The following SGCD variants were observed in gnomAD, a reference collection of about 807,000 sequenced individuals.
SGCD encodes delta-sarcoglycan.
In SGCD, 18 loss-of-function variants were observed where a neutral mutation model predicts 36.6. That is an observed-to-expected ratio of 0.49 (90% CI 0.34 to 0.73). The LOEUF (loss-of-function observed/expected upper bound fraction) is 0.73, where lower values mean the gene tolerates loss of function less well. Ranked by LOEUF, SGCD falls within the 30% of genes least tolerant of loss-of-function variation. The pLI, the probability that SGCD is intolerant of heterozygous loss-of-function variation, is 0.01. For synonymous variants in SGCD, 133 were observed against 130.6 expected (o/e 1.02, Z -0.12); for missense variants, 387 against 346.7 (o/e 1.12, Z -0.92).
chr5:156,759,166 A>AAG, intron 8 of SGCD, 51 bp from the exon 9 acceptor site: 1 of 1,411,356 alleles, frequency 7.1e-7, no homozygotes, highest in Non-Finnish European at 1.0e-6. Context: ...ATGTCAAGAG[A>AAG]AGAGACGACA....
At chr5:156,017,440 C>A (rs1759009684) in intron 1 of SGCD, among the ~76,000 whole-genome samples, 1 of 151,912 alleles carries the variant, frequency 6.6e-6, no homozygotes, top group Admixed American at 6.6e-5. Flanking sequence ...GGAATTCATT[C>A]ATGTTTTCCT....
chr5:155,736,206 C>T, the SGCD span, among the ~76,000 whole-genome samples: 1 of 152,160 alleles, frequency 6.6e-6, no homozygotes, highest in Non-Finnish European at 1.5e-5. Flanking sequence ...TAATATATCG[C>T]ACATGCTCCT....
At chr5:156,512,951 C>T (rs1274504306) in intron 4 of SGCD, among the ~76,000 whole-genome samples, 2 of 151,394 alleles carry the variant, frequency 1.3e-5, no homozygotes, top group South Asian at 2.1e-4. Flanking sequence ...TGCAATGGGG[C>T]TATGTCTTGA....
At chr5:156,350,158 G>A (rs1469683717) in intron 3 of SGCD, among the ~76,000 whole-genome samples, 1 of 149,940 alleles carries the variant, frequency 6.7e-6, no homozygotes, top group African/African-American at 2.4e-5. Context: ...TCGGTGGTGG[G>A]TACACTAAAA....
At chr5:155,937,112 C>T (rs2113402402) in intron 1 of SGCD, among the ~76,000 whole-genome samples, 1 of 152,312 alleles carries the variant, frequency 6.6e-6, no homozygotes, top group Middle Eastern at 3.4e-3. Context: ...GGTCTGCAGC[C>T]ATGACTTGGG....
At chr5:155,859,038 ATT>A in the SGCD span, among the ~76,000 whole-genome samples, 1 of 148,948 alleles carries the variant, frequency 6.7e-6, no homozygotes, top group African/African-American at 2.5e-5. Context: ...TATAATTTTT[ATT>A]TTTTCATATC....
chr5:156,640,706 G>A (rs374069304), intron 6 of SGCD, among the ~76,000 whole-genome samples: 4 of 152,116 alleles, frequency 2.6e-5, no homozygotes, highest in South Asian at 4.1e-4. Context: ...CATGTCTGAC[G>A]TAGGCTCTAC....
intron 1 of SGCD, among the ~76,000 whole-genome samples, chr5:156,025,051 T>G (rs1006472962): frequency 2.0e-5 from 3 of 152,208 alleles, no homozygotes; most frequent in Non-Finnish European, 2.9e-5. Flanking sequence ...TAACAAATTA[T>G]TTTCCATATT....
chr5:155,948,393 C>T (rs116655624), intron 1 of SGCD, among the ~76,000 whole-genome samples: 1 of 152,308 alleles, frequency 6.6e-6, no homozygotes, highest in African/African-American at 2.4e-5. Flanking sequence ...AAGTCGGAAG[C>T]AGGTATTTGT....
chr5:156,450,946 C>T (rs1238006132), intron 3 of SGCD, among the ~76,000 whole-genome samples: 2 of 152,080 alleles, frequency 1.3e-5, no homozygotes, highest in Non-Finnish European at 1.5e-5. Flanking sequence ...TATGCAGACT[C>T]CAATAATTCC....
intron 3 of SGCD, among the ~76,000 whole-genome samples, chr5:156,415,232 C>T (rs1048281391): frequency 1.3e-5 from 2 of 152,032 alleles, no homozygotes; most frequent in African/African-American, 4.8e-5. Flanking sequence ...ACCAGACCAG[C>T]CACAGTTTTA....
At chr5:156,093,658 G>A (rs1057187221) in intron 1 of SGCD, among the ~76,000 whole-genome samples, 1 of 152,128 alleles carries the variant, frequency 6.6e-6, no homozygotes, top group Non-Finnish European at 1.5e-5. Context: ...TTTGTGCGTG[G>A]AGCAACTCCA....
At chr5:156,132,549 A>G (rs1262794876) in intron 3 of SGCD, among the ~76,000 whole-genome samples, 1 of 137,700 alleles carries the variant, frequency 7.3e-6, no homozygotes, top group Non-Finnish European at 1.5e-5. Context: ...GCTCACTGCA[A>G]GCTCCGCCTC....
intron 7 of SGCD, among the ~76,000 whole-genome samples, chr5:156,716,670 T>C: frequency 6.6e-6 from 1 of 152,244 alleles, no homozygotes; most frequent in East Asian, 1.9e-4. Flanking sequence ...TATGGTGTTT[T>C]CCGGATCTAA....
At chr5:156,579,594 T>C (rs899803369) in intron 4 of SGCD, among the ~76,000 whole-genome samples, 2 of 152,230 alleles carry the variant, frequency 1.3e-5, no homozygotes, top group Non-Finnish European at 2.9e-5. Context: ...ATCTGGGTGC[T>C]CCTGTATTGG....
At chr5:156,328,862 C>T (rs1276793548) in intron 1 of SGCD, among the ~76,000 whole-genome samples, 1 of 151,872 alleles carries the variant, frequency 6.6e-6, no homozygotes, top group Non-Finnish European at 1.5e-5. Flanking sequence ...TCTAAAGTGC[C>T]TAATGAGTGA....
At chr5:156,318,588 G>T (rs1220682441) in intron 3 of SGCD, among the ~76,000 whole-genome samples, 1 of 144,230 alleles carries the variant, frequency 6.9e-6, no homozygotes, top group Non-Finnish European at 1.5e-5. Flanking sequence ...ATCCATGAAT[G>T]ACCTCTTTTT....
At chr5:156,283,184 G>T (rs1490116318) in intron 3 of SGCD, among the ~76,000 whole-genome samples, 1 of 152,158 alleles carries the variant, frequency 6.6e-6, no homozygotes, top group Non-Finnish European at 1.5e-5. Context: ...GATGGGCAGG[G>T]TTTCTCCATG....
intron 3 of SGCD, among the ~76,000 whole-genome samples, chr5:156,450,077 C>G (rs17053564): frequency 0.2 from 29,846 of 151,900 alleles, 3,094 homozygotes; most frequent in African/African-American, 0.25. Context: ...CTTTTGTAAC[C>G]CTTCAAACCC....
Sources: gnomAD v4.1 joint callset for allele counts (sites outside exome capture counted in the v4.1 genomes callset) on GRCh38, gnomAD v4.1.1 for gene constraint, MANE v1.5 for transcripts, NCBI Gene and HGNC (gene_info 2026-07-23, HGNC 2026-07-21) for gene names.